Variants in MUSK observed in about 807,000 individuals in gnomAD.
MUSK encodes muscle associated receptor tyrosine kinase.
Under a neutral mutation model 88.7 loss-of-function variants are expected in MUSK, and 55 were observed. The observed-to-expected ratio is 0.62, with a 90% CI of 0.50 to 0.78. MUSK has a LOEUF of 0.78. Among genes scored for constraint, MUSK ranks in the 30% least tolerant of loss-of-function variants. The probability of loss-of-function intolerance (pLI) is 0.00; values close to 1 mark genes in which losing one functional copy is unlikely to be tolerated. For synonymous variants in MUSK, 387 were observed against 391.9 expected, an observed-to-expected ratio of 0.99 and a Z score of 0.15; for missense variants, 1,015 against 1,074.3, an observed-to-expected ratio of 0.94 and a Z score of 0.77.
chr9:110,743,466 TTTATAG>T (rs1469010673), intron 6 of MUSK, among the ~76,000 whole-genome samples: 1 of 152,238 alleles, frequency 6.6e-6, no homozygotes. Flanking sequence ...ACCAGATTTA[TTTATAG>T]TTATACCAGT....
At position 110,776,657 on chromosome 9, in the gene MUSK, T is replaced by A; in HGVS notation, c.1384+2T>A. Reference sequence around the variant, plus strand: ...ATTATAACAAAGAAAACCTAAAAAGTAAGTAATTGTGTTTGTGCCCTTGAA... The same window carrying A: ...ATTATAACAAAGAAAACCTAAAAAGAAAGTAATTGTGTTTGTGCCCTTGAA... On this transcript the variant is annotated splice_donor_variant, in intron 11 of 14. Transcript: ENST00000374448. LOFTEE classifies it high-confidence loss of function. 6.3e-7 allele frequency: 1 copy of A among 1,596,792 alleles called. No individual in the cohort carries two copies. The highest frequency in any genetic ancestry group is 8.6e-7 in the Non-Finnish European group (1 of 1,167,958).
At chr9:110,670,024 A>G (rs1326533557) in intron 1 of MUSK, among the ~76,000 whole-genome samples, 1 of 152,184 alleles carries the variant, frequency 6.6e-6, no homozygotes, top group African/African-American at 2.4e-5. Context: ...CTGGTTCACT[A>G]AAAATTCTGG....
At chr9:110,727,028 T>TA (rs752119613) in intron 5 of MUSK, among the ~76,000 whole-genome samples, 6 of 151,902 alleles carry the variant, frequency 3.9e-5, no homozygotes, top group East Asian at 3.9e-4. Context: ...ACGAATATTG[T>TA]AAAAAAAAGA....
chr9:110,673,940 G>C (rs1011003253), intron 1 of MUSK, among the ~76,000 whole-genome samples: 1 of 151,812 alleles, frequency 6.6e-6, no homozygotes, highest in Non-Finnish European at 1.5e-5. Flanking sequence ...ACATTGTGCT[G>C]CCTGCTATTT....
rs192095926 is a variant in MUSK at position 110,804,780 on chromosome 9, A to G, written c.*3792A>G. On this transcript the variant is annotated 3_prime_UTR_variant, in exon 15 of 15. Transcript: ENST00000374448. Reference sequence around the variant, plus strand: ...ATATGTATAATCATAATAGACAATAATAAAAATGAAAAAACACCAACCAGA... The same window carrying G: ...ATATGTATAATCATAATAGACAATAGTAAAAATGAAAAAACACCAACCAGA... 9.2e-5 allele frequency among the ~76,000 whole-genome samples: 14 copies of G among 152,110 alleles called. No homozygotes were observed. The East Asian group carries it at 2.7e-3, about 29-fold the overall frequency.
At chr9:110,689,030 G>A (rs868209981) in intron 3 of MUSK, among the ~76,000 whole-genome samples, 297 of 136,238 alleles carry the variant, frequency 2.2e-3, no homozygotes, top group African/African-American at 7.8e-3. Flanking sequence ...ATATAAATAC[G>A]TATAACTATA....
rs1256873242 is a variant in MUSK, at chr9:110,734,461, G to A, written c.753+86G>A. 1.1e-5 allele frequency: 17 copies of A among 1,554,384 alleles called. 1 individual carries two copies. In the South Asian group the frequency reaches 1.8e-4, roughly 17 times the overall value. On this transcript the variant is annotated intron_variant, in intron 6 of 14. Transcript: ENST00000374448. ...TAGACCATATAGTTGTAGTTACCCAGATCTCTGTCATTGGTCTCACCTACA... is the reference window on the plus strand; with the variant it reads ...TAGACCATATAGTTGTAGTTACCCAAATCTCTGTCATTGGTCTCACCTACA...
chr9:110,788,154 T>C (rs1393134683), intron 14 of MUSK: 6 of 272,894 alleles, frequency 2.2e-5, no homozygotes, highest in Non-Finnish European at 3.5e-5. Context: ...TATTGAAAAG[T>C]CTATATATTT....
chr9:110,698,632 G>T (rs2076463333), intron 5 of MUSK, among the ~76,000 whole-genome samples: 1 of 151,838 alleles, frequency 6.6e-6, no homozygotes, highest in African/African-American at 2.4e-5. Flanking sequence ...CTCCAATTGA[G>T]GTAACATCTT....
chr9:110,740,869 T>C (rs1211717878), intron 6 of MUSK, among the ~76,000 whole-genome samples: 1 of 152,140 alleles, frequency 6.6e-6, no homozygotes, highest in African/African-American at 2.4e-5. Flanking sequence ...GAGAACATTA[T>C]GCTAAGTGAA....
rs1337720958 is a variant in MUSK at position 110,783,388 on chromosome 9, A to T, written c.1385-1427A>T. 2.6e-5 allele frequency among the ~76,000 whole-genome samples: 4 copies of T among 152,230 alleles called. No homozygotes were observed. In the East Asian group the frequency reaches 7.7e-4, roughly 29 times the overall value. ...CTAAAAGAATGTCTTTTATAATGTG[A>T]TGACTTAAAAATCTAGTTTCCTGCC... On this transcript the variant is annotated intron_variant, in intron 11 of 14. Transcript: ENST00000374448.
At chr9:110,749,320 G>C (rs1425720039) in intron 7 of MUSK, among the ~76,000 whole-genome samples, 1 of 152,170 alleles carries the variant, frequency 6.6e-6, no homozygotes, top group Non-Finnish European at 1.5e-5. Flanking sequence ...CAGAACAAGA[G>C]AGGCAGGATG....
chr9:110,731,952 C>CGATTACTAT, intron 5 of MUSK, among the ~76,000 whole-genome samples: 1 of 151,878 alleles, frequency 6.6e-6, no homozygotes, highest in Non-Finnish European at 1.5e-5. Flanking sequence ...AAAACCTTTC[C>CGATTACTAT]AAGAAGAATT....
At chr9:110,711,724 TG>T (rs1564238126) in intron 5 of MUSK, among the ~76,000 whole-genome samples, 1 of 152,170 alleles carries the variant, frequency 6.6e-6, no homozygotes, top group East Asian at 1.9e-4. Context: ...ACATTGTTGA[TG>T]CACCTGTGTA....
intron 11 of MUSK, among the ~76,000 whole-genome samples, chr9:110,784,584 GA>G (rs905324257): frequency 8.8e-5 from 13 of 147,162 alleles, no homozygotes; most frequent in East Asian, 4.0e-4. Flanking sequence ...ATTTATCTCA[GA>G]AAAAAAAAAC....
At chr9:110,776,073 T>C in intron 10 of MUSK, 110 bp downstream of exon 10, 1 of 1,220,876 alleles carries the variant, frequency 8.2e-7, no homozygotes, top group Non-Finnish European at 1.1e-6. Flanking sequence ...TCTAATTTTT[T>C]TTTTTTGAGT....
chr9:110,781,266 G>C (rs1243241681), intron 11 of MUSK, among the ~76,000 whole-genome samples: 1 of 151,020 alleles, frequency 6.6e-6, no homozygotes, highest in African/African-American at 2.4e-5. Flanking sequence ...TTTTTGTTTT[G>C]TTTTGTTTTG....
intron 8 of MUSK, among the ~76,000 whole-genome samples, chr9:110,765,473 A>G (rs2077466369): frequency 6.6e-6 from 1 of 152,188 alleles, no homozygotes; most frequent in African/African-American, 2.4e-5. Flanking sequence ...TGACACCTAT[A>G]TAACAATGAC....
chr9:110,799,277 T>C (rs2078057054), intron 14 of MUSK, among the ~76,000 whole-genome samples: 1 of 152,232 alleles, frequency 6.6e-6, no homozygotes. Flanking sequence ...TCTAATAATC[T>C]ATTTTTAAGA....
Sources: allele counts gnomAD v4.1 joint callset (sites outside exome capture counted in the v4.1 genomes callset), GRCh38; gene constraint gnomAD v4.1.1; transcripts MANE v1.5; gene names NCBI Gene and HGNC (gene_info 2026-07-23, HGNC 2026-07-21).